NKAIN3: variants seen among roughly 807,000 people sequenced by gnomAD.
NKAIN3 encodes sodium/potassium transporting ATPase interacting 3.
NKAIN3 carries 25 observed loss-of-function variants against 30.2 expected under a neutral mutation model. That is an observed-to-expected ratio of 0.83 (90% confidence interval 0.60 to 1.16). The LOEUF (loss-of-function observed/expected upper bound fraction) is 1.16, where lower values mean the gene tolerates loss of function less well. NKAIN3 is among the 50% of genes most tolerant of loss of function. The pLI, the probability that NKAIN3 is intolerant of heterozygous loss-of-function variation, is 0.00. For synonymous variants in NKAIN3, 91 were observed against 89.6 expected (o/e 1.02, Z -0.09); for missense variants, 225 against 254.1 (o/e 0.89, Z 0.78).
chr8:62,670,032 C>T (rs1217020400), intron 3 of NKAIN3, among the ~76,000 whole-genome samples: 3 of 152,106 alleles, frequency 2.0e-5, no homozygotes, highest in Admixed American at 6.6e-5. Flanking sequence ...ATATGTTTTT[C>T]AGCTAGTCTT....
intron 1 of NKAIN3, among the ~76,000 whole-genome samples, chr8:62,357,091 G>T (rs1387620343): frequency 6.6e-6 from 1 of 151,962 alleles, no homozygotes; most frequent in Non-Finnish European, 1.5e-5. Context: ...AACAGAGTGA[G>T]ACCCTATCTC....
At chr8:62,584,953 T>C (rs1381341837) in intron 2 of NKAIN3, among the ~76,000 whole-genome samples, 1 of 152,234 alleles carries the variant, frequency 6.6e-6, no homozygotes, top group Non-Finnish European at 1.5e-5. Context: ...TCTAGGCCAA[T>C]TCCTGTATGT....
At position 62,890,741 on chromosome 8, in the gene NKAIN3, A is replaced by G. The variant is rs183779154; in HGVS notation, c.472-27712A>G. Among the ~76,000 whole-genome samples, 3 of 152,332 alleles carry G rather than the reference A, an allele frequency of 2.0e-5. No homozygotes were observed. The East Asian group carries it at 5.8e-4, about 29-fold the overall frequency. Reference sequence around the variant, plus strand: ...AATAGGAGAGGGACAGGATTGAGGTACCCTCTCTGCAGGCTTGCCTGTCTA... The same window carrying G: ...AATAGGAGAGGGACAGGATTGAGGTGCCCTCTCTGCAGGCTTGCCTGTCTA... On this transcript the variant is annotated intron_variant, in intron 4 of 6. Coordinates refer to ENST00000623646, the MANE Select transcript of NKAIN3 (RefSeq NM_001304533.3).
intron 1 of NKAIN3, among the ~76,000 whole-genome samples, chr8:62,564,518 C>T (rs1457858623): frequency 1.3e-5 from 2 of 152,188 alleles, no homozygotes. Flanking sequence ...TCTTTAACCA[C>T]GTGCATCTTG....
At chr8:62,399,925 C>T (rs1284061758) in intron 1 of NKAIN3, among the ~76,000 whole-genome samples, 3 of 152,066 alleles carry the variant, frequency 2.0e-5, no homozygotes, top group Non-Finnish European at 4.4e-5. Context: ...AGACAATGGT[C>T]TAATATAGGG....
chr8:62,836,486 T>C (rs1314644100), intron 4 of NKAIN3, among the ~76,000 whole-genome samples: 1 of 152,100 alleles, frequency 6.6e-6, no homozygotes, highest in Non-Finnish European at 1.5e-5. Flanking sequence ...CTAAATATAA[T>C]AGTACATTTC....
chr8:62,372,652 C>T (rs1319160247), intron 1 of NKAIN3, among the ~76,000 whole-genome samples: 4 of 151,922 alleles, frequency 2.6e-5, no homozygotes. Flanking sequence ...TGTCTATATG[C>T]CAGATTCATT....
intron 3 of NKAIN3, among the ~76,000 whole-genome samples, chr8:62,677,914 G>C (rs1407411628): frequency 1.3e-5 from 2 of 152,100 alleles, no homozygotes; most frequent in East Asian, 3.9e-4. Flanking sequence ...AGCTAGGCTG[G>C]TCTCTGTTGT....
intron 1 of NKAIN3, among the ~76,000 whole-genome samples, chr8:62,539,373 C>T (rs1335083413): frequency 6.6e-6 from 1 of 152,112 alleles, no homozygotes; most frequent in Non-Finnish European, 1.5e-5. Context: ...CCAAAAAGTC[C>T]ATTGTAAAAC....
chr8:62,671,977 T>C (rs1269441751), intron 3 of NKAIN3, among the ~76,000 whole-genome samples: 4 of 152,198 alleles, frequency 2.6e-5, no homozygotes, highest in African/African-American at 9.6e-5. Context: ...CCAATCACTG[T>C]AGCCAGATTG....
intron 3 of NKAIN3, among the ~76,000 whole-genome samples, chr8:62,712,047 G>T (rs183668348): frequency 1.3e-5 from 2 of 152,256 alleles, no homozygotes; most frequent in East Asian, 3.9e-4. Context: ...CCCAGCTCTG[G>T]GCTGGTACTG....
intron 1 of NKAIN3, among the ~76,000 whole-genome samples, chr8:62,364,130 T>C (rs1299581783): frequency 2.6e-5 from 4 of 152,210 alleles, no homozygotes; most frequent in Non-Finnish European, 2.9e-5. Flanking sequence ...ACTGAATGTC[T>C]GTTAGCCATA....
intron 5 of NKAIN3, among the ~76,000 whole-genome samples, chr8:62,932,693 A>AT (rs536742852): frequency 2.0e-3 from 305 of 152,196 alleles, no homozygotes; most frequent in African/African-American, 7.1e-3. Context: ...TACACTAGTG[A>AT]TTTTCAACCT....
intron 4 of NKAIN3, among the ~76,000 whole-genome samples, chr8:62,803,624 G>A (rs1029568494): frequency 2.6e-5 from 4 of 152,008 alleles, no homozygotes; most frequent in African/African-American, 4.8e-5. Context: ...AGTGTGTAGA[G>A]GGAAATTTAT....
chr8:62,576,511 A>T, intron 1 of NKAIN3, among the ~76,000 whole-genome samples: 1 of 152,168 alleles, frequency 6.6e-6, no homozygotes, highest in Non-Finnish European at 1.5e-5. Context: ...TTTATGCTAC[A>T]TTACAATTTA....
chr8:62,717,716 G>T (rs867556301), intron 3 of NKAIN3, among the ~76,000 whole-genome samples: 2 of 152,068 alleles, frequency 1.3e-5, no homozygotes, highest in African/African-American at 4.8e-5. Flanking sequence ...CTTATGAATA[G>T]ATTTTTGAAT....
intron 1 of NKAIN3, among the ~76,000 whole-genome samples, chr8:62,316,502 C>G (rs1180631789): frequency 1.3e-5 from 2 of 150,706 alleles, no homozygotes; most frequent in East Asian, 2.0e-4. Flanking sequence ...TTGTTCAATT[C>G]CCACCTATAA....
chr8:62,855,437 T>G, intron 4 of NKAIN3: 1 of 1,125,148 alleles, frequency 8.9e-7, no homozygotes, highest in Non-Finnish European at 1.4e-6. Context: ...CTCTTCTGAA[T>G]ACTTCATCTT....
chr8:62,391,101 T>C (rs1164555626), intron 1 of NKAIN3, among the ~76,000 whole-genome samples: 1 of 152,154 alleles, frequency 6.6e-6, no homozygotes, highest in Non-Finnish European at 1.5e-5. Context: ...TGTGTCTTCC[T>C]CATGAAATCT....
Sources: allele counts gnomAD v4.1 joint callset (sites outside exome capture counted in the v4.1 genomes callset), GRCh38; gene constraint gnomAD v4.1.1; transcripts MANE v1.5; gene names NCBI Gene and HGNC (gene_info 2026-07-23, HGNC 2026-07-21).